Variants in KLF12 observed in about 807,000 individuals in gnomAD.
KLF12 encodes the protein Krueppel-like factor 12.
KLF12 carries 9 observed loss-of-function variants against 37.8 expected under a neutral mutation model. That is an observed-to-expected ratio of 0.24 (90% confidence interval 0.14 to 0.42). The LOEUF is 0.42. Among genes scored for constraint, KLF12 ranks in the 10% least tolerant of loss-of-function variants. The pLI is 1.00. For missense variants in KLF12, 411 were observed against 516.0 expected (o/e 0.80, Z 1.97); for synonymous variants, 208 against 202.1 (o/e 1.03, Z -0.25).
At chr13:73,955,518 A>C (rs1290124773) in intron 2 of KLF12, among the ~76,000 whole-genome samples, 10 of 152,350 alleles carry the variant, frequency 6.6e-5, no homozygotes, top group Non-Finnish European at 1.5e-4. Flanking sequence ...CAGAAATACA[A>C]GTCACTTCAT....
chr13:74,210,833 C>T, the KLF12 span, among the ~76,000 whole-genome samples: 2 of 152,172 alleles, frequency 1.3e-5, no homozygotes, highest in South Asian at 4.1e-4. Context: ...TGGGATCTTG[C>T]TAAGTACCCA....
At chr13:74,303,396 A>G in the KLF12 span, among the ~76,000 whole-genome samples, 1 of 152,074 alleles carries the variant, frequency 6.6e-6, no homozygotes, top group Non-Finnish European at 1.5e-5. Flanking sequence ...TATTCCCAGT[A>G]TTCACCTTGG....
At chr13:74,047,123 C>T (rs1363970567) in intron 1 of KLF12, among the ~76,000 whole-genome samples, 7 of 152,100 alleles carry the variant, frequency 4.6e-5, no homozygotes, top group African/African-American at 1.7e-4. Flanking sequence ...CTCCTCTATG[C>T]CAGAGAAATG....
chr13:74,056,800 G>T (rs1873268817), intron 1 of KLF12, among the ~76,000 whole-genome samples: 1 of 152,176 alleles, frequency 6.6e-6, no homozygotes, highest in Non-Finnish European at 1.5e-5. Context: ...ATATTTAAGA[G>T]CCATGTCTGC....
chr13:73,888,851 T>C (rs1887358519), intron 3 of KLF12, among the ~76,000 whole-genome samples: 1 of 152,200 alleles, frequency 6.6e-6, no homozygotes, highest in South Asian at 2.1e-4. Context: ...TCAAAAAGCT[T>C]ACCTATGGAG....
intron 6 of KLF12, among the ~76,000 whole-genome samples, chr13:73,730,354 C>T (rs916538466): frequency 1.1e-4 from 16 of 152,144 alleles, no homozygotes; most frequent in African/African-American, 3.9e-4. Context: ...AACAGCTTTG[C>T]CCTCCAAAAA....
chr13:73,949,329 AT>A (rs1341822792), intron 2 of KLF12, among the ~76,000 whole-genome samples: 1 of 152,264 alleles, frequency 6.6e-6, no homozygotes, highest in Non-Finnish European at 1.5e-5. Flanking sequence ...AGCTGGGCTA[AT>A]TTAGCTATGG....
At chr13:74,182,748 T>C in the KLF12 span, among the ~76,000 whole-genome samples, 261 of 152,326 alleles carry the variant, frequency 1.7e-3, 1 homozygote, top group African/African-American at 6.0e-3. Context: ...AGAGCATTGC[T>C]TCCACAAAAC....
chr13:73,837,292 C>G (rs1884486519), intron 4 of KLF12, among the ~76,000 whole-genome samples: 1 of 152,186 alleles, frequency 6.6e-6, no homozygotes, highest in South Asian at 2.1e-4. Flanking sequence ...TGTCTCCTCC[C>G]TGCGCCAGTT....
chr13:74,073,126 G>A (rs796826160), intron 1 of KLF12, among the ~76,000 whole-genome samples: 3 of 152,272 alleles, frequency 2.0e-5, no homozygotes, highest in Non-Finnish European at 2.9e-5. Context: ...TGCCATGATC[G>A]TGAGGCCGCC....
intron 6 of KLF12, among the ~76,000 whole-genome samples, chr13:73,735,008 C>A (rs1877345917): frequency 6.6e-6 from 1 of 151,714 alleles, no homozygotes; most frequent in African/African-American, 2.4e-5. Context: ...ACCATGCTGG[C>A]TGGGCATAGT....
the KLF12 span, among the ~76,000 whole-genome samples, chr13:74,221,914 G>T: frequency 2.0e-5 from 3 of 152,158 alleles, no homozygotes. Flanking sequence ...ACAGTCCATG[G>T]TGCAGCCCTC....
At chr13:74,135,034 C>T (rs1020981446), upstream of KLF12, among the ~76,000 whole-genome samples, 4 of 151,422 alleles carry the variant, frequency 2.6e-5, no homozygotes, top group African/African-American at 9.7e-5. Context: ...GGGGCAGCCC[C>T]GCGGGCGGTG....
the KLF12 span, among the ~76,000 whole-genome samples, chr13:74,169,880 T>G: frequency 6.6e-6 from 1 of 152,168 alleles, no homozygotes; most frequent in Non-Finnish European, 1.5e-5. Flanking sequence ...GCTAATTAGT[T>G]TTACAGAAAA....
chr13:73,824,266 T>C (rs776142390), intron 4 of KLF12, among the ~76,000 whole-genome samples: 50 of 152,252 alleles, frequency 3.3e-4, no homozygotes, highest in Non-Finnish European at 7.2e-4. Flanking sequence ...GCCATTGAGA[T>C]GAGCCCCGTA....
the KLF12 span, among the ~76,000 whole-genome samples, chr13:74,191,387 C>G: frequency 6.6e-6 from 1 of 152,142 alleles, no homozygotes; most frequent in African/African-American, 2.4e-5. Flanking sequence ...GCCCAAAGCC[C>G]TGAAAAATCT....
chr13:73,963,502 C>T (rs941668990), intron 2 of KLF12, among the ~76,000 whole-genome samples: 2 of 152,016 alleles, frequency 1.3e-5, no homozygotes, highest in East Asian at 1.9e-4. Context: ...ATTATATAAA[C>T]GTTAAAAAAT....
At chr13:74,045,374 G>A (rs1893516095) in intron 1 of KLF12, among the ~76,000 whole-genome samples, 1 of 152,142 alleles carries the variant, frequency 6.6e-6, no homozygotes. Flanking sequence ...AATCTCGACT[G>A]AGAGACACTC....
At chr13:73,734,738 G>A (rs1009349764) in intron 6 of KLF12, among the ~76,000 whole-genome samples, 1 of 152,146 alleles carries the variant, frequency 6.6e-6, no homozygotes, top group African/African-American at 2.4e-5. Context: ...GCCCTGCACT[G>A]TGCTATGAAG....
Sources: gnomAD v4.1 joint callset for allele counts (sites outside exome capture counted in the v4.1 genomes callset) on GRCh38, gnomAD v4.1.1 for gene constraint, MANE v1.5 for transcripts, NCBI Gene and HGNC (gene_info 2026-07-23, HGNC 2026-07-21) for gene names.